Variants in ZNF638 observed in about 807,000 individuals in gnomAD.
ZNF638 encodes CTCL tumor antigen se33-1.
In ZNF638, 46 loss-of-function variants were observed where a neutral mutation model predicts 195.6. The ratio of observed to expected loss-of-function variants is 0.24; its 90% CI spans 0.19 to 0.30. The LOEUF is 0.30. Among genes scored for constraint, ZNF638 ranks in the 10% least tolerant of loss-of-function variants. The pLI is 1.00. For missense variants in ZNF638, 2,440 were observed against 2,325.3 expected, an observed-to-expected ratio of 1.05 and a Z score of -1.01; for synonymous variants, 845 against 772.0, an observed-to-expected ratio of 1.09 and a Z score of -1.57.
chr2:71,430,100 T>G (rs1159966224), intron 25 of ZNF638, among the ~76,000 whole-genome samples: 1 of 152,204 alleles, frequency 6.6e-6, no homozygotes, highest in Non-Finnish European at 1.5e-5. Context: ...ACAATATATT[T>G]CTACTAATGA....
At chr2:71,417,882 G>A (rs1398061506) in intron 20 of ZNF638, among the ~76,000 whole-genome samples, 1 of 152,146 alleles carries the variant, frequency 6.6e-6, no homozygotes, top group Admixed American at 6.5e-5. Context: ...TTTCCTTAAA[G>A]TATTGTTTTC....
intron 10 of ZNF638, chr2:71,393,624 G>T: frequency 1.4e-6 from 1 of 718,056 alleles, no homozygotes; most frequent in Non-Finnish European, 2.6e-6. Context: ...CAGATAATTT[G>T]TTCCTTGCTC....
chr2:71,359,788 C>T (rs541489290), intron 3 of ZNF638, among the ~76,000 whole-genome samples: 1 of 152,196 alleles, frequency 6.6e-6, no homozygotes, highest in Non-Finnish European at 1.5e-5. Context: ...TCTTTCTACT[C>T]ATTCCTCCAT....
chr2:71,395,660 A>G (rs1022970480), intron 10 of ZNF638: 1 of 514,550 alleles, frequency 1.9e-6, no homozygotes, highest in Non-Finnish European at 3.7e-6. Flanking sequence ...TTAAATCTGT[A>G]CTGAATAAAT....
intron 1 of ZNF638, among the ~76,000 whole-genome samples, chr2:71,336,119 C>A (rs572402796): frequency 6.6e-6 from 1 of 152,218 alleles, no homozygotes; most frequent in South Asian, 2.1e-4. Context: ...CGCCTGTAAT[C>A]CCAGCACTTT....
Position 71,406,079 on chromosome 2 carries a change from T to G in ZNF638, c.3001-49T>G, listed in dbSNP as rs772168345. 10 of 1,605,052 alleles carry G rather than the reference T, an allele frequency of 6.2e-6. No individual in the cohort carries two copies. The East Asian group carries it at 6.7e-5, about 11-fold the overall frequency. On this transcript the variant is annotated intron_variant, in intron 18 of 27. Transcript: ENST00000264447. The stretch of plus-strand genomic sequence containing the variant: ...GTTAATGTTAATCTGTTTTACCGTT[T>G]GTTGCTTCAGCTGTGGTTTTTTCTG...
At chr2:71,433,085 T>A in intron 26 of ZNF638, 80 bp from the exon 27 acceptor site, 1 of 1,163,590 alleles carries the variant, frequency 8.6e-7, no homozygotes, top group South Asian at 1.3e-5. Flanking sequence ...AGACTCCGTC[T>A]CAAATAAATG....
At chr2:71,393,245 C>CTATCATTTA in intron 10 of ZNF638, 2 of 586,662 alleles carry the variant, frequency 3.4e-6, no homozygotes, top group South Asian at 4.4e-5. Context: ...TGATAAATTT[C>CTATCATTTA]AATCAACTAT....
Position 71,399,662 on chromosome 2 carries a change from G to A in ZNF638, c.2587+17G>A, listed in dbSNP as rs139666816. The A allele has an allele frequency of 3.7e-4, 587 of 1,582,474 alleles. 5 individuals carry two copies. In the African/African-American group the frequency reaches 7.1e-3, roughly 19 times the overall value. On this transcript the variant is annotated intron_variant, in intron 13 of 27. Coordinates refer to ENST00000264447, the MANE Select transcript of ZNF638 (RefSeq NM_014497.5). ...CTATACCAGGTAAGCTTGAAATGTGGTCATTCAGTGCTTTGTTTTCTTTTC... is the reference window on the plus strand; with the variant it reads ...CTATACCAGGTAAGCTTGAAATGTGATCATTCAGTGCTTTGTTTTCTTTTC...
chr2:71,388,230 G>A (rs2079685017), intron 10 of ZNF638, among the ~76,000 whole-genome samples: 1 of 152,206 alleles, frequency 6.6e-6, no homozygotes, highest in South Asian at 2.1e-4. Context: ...TTACCCTGAG[G>A]CTAAGGGCAA....
At chr2:71,418,718 C>A in intron 21 of ZNF638, 79 bp downstream of exon 21, 2 of 1,011,828 alleles carry the variant, frequency 2.0e-6, no homozygotes, top group South Asian at 2.0e-5. Flanking sequence ...ATAGTAATGG[C>A]TCACATGTAG....
At chr2:71,404,060 CTGT>C (rs752667485) in intron 17 of ZNF638, 62 bp downstream of exon 17, 206 of 1,513,436 alleles carry the variant, frequency 1.4e-4, no homozygotes, top group Non-Finnish European at 1.4e-4. Context: ...TTGTTACAGT[CTGT>C]TATGTTTTCT....
chr2:71,387,942 T>G (rs2079677224), intron 10 of ZNF638, among the ~76,000 whole-genome samples: 1 of 152,038 alleles, frequency 6.6e-6, no homozygotes, highest in Non-Finnish European at 1.5e-5. Context: ...AATTGGAAAA[T>G]AGTATGATTA....
chr2:71,368,152 T>A (rs72911422), intron 6 of ZNF638, among the ~76,000 whole-genome samples: 1 of 152,112 alleles, frequency 6.6e-6, no homozygotes, highest in African/African-American at 2.4e-5. Context: ...TTAAAAAATA[T>A]AAATAACATT....
intron 4 of ZNF638, 81 bp from the exon 5 acceptor site, chr2:71,363,873 A>G: frequency 1.4e-6 from 2 of 1,476,534 alleles, no homozygotes; most frequent in Non-Finnish European, 1.8e-6. Context: ...TCTGTTTTTA[A>G]CAAGGTACTT....
In ZNF638 at chr2:71,423,693, C is replaced by G; in HGVS notation, c.4179C>G (p.Ser1393Arg). 3 of 1,613,848 alleles carry G rather than the reference C, an allele frequency of 1.9e-6. No individual in the cohort carries two copies. Among genetic ancestry groups the G allele is most frequent in the Non-Finnish European group, 2.5e-6 (3 of 1,180,000 alleles). Reference sequence around the variant, plus strand: ...CAGATGTATCTAGCAGTAAACCAAGCATCAAGGCTGTTATAGTCTCTTCTC... The same window carrying G: ...CAGATGTATCTAGCAGTAAACCAAGGATCAAGGCTGTTATAGTCTCTTCTC... ...AVSDVSSSKP[S>R]IKAVIVSSPK... The change falls in exon 22 of 28, where the codon AGC (serine) becomes AGG (arginine). Residue 1393 changes from serine to arginine, a missense_variant. By Grantham distance (110) the Ser-to-Arg change is moderately radical. Transcript: ENST00000264447.
chr2:71,394,212 T>TA (rs2079846995), intron 10 of ZNF638, among the ~76,000 whole-genome samples: 1 of 152,130 alleles, frequency 6.6e-6, no homozygotes, highest in Non-Finnish European at 1.5e-5. Context: ...GTGTCAATCT[T>TA]AGTTTCATAG....
At chr2:71,433,337 A>G in intron 27 of ZNF638, 54 bp downstream of exon 27, 1 of 1,274,742 alleles carries the variant, frequency 7.8e-7, no homozygotes, top group Non-Finnish European at 1.1e-6. Flanking sequence ...TCTTAGAATC[A>G]AATTATTTAT....
intron 6 of ZNF638, among the ~76,000 whole-genome samples, 178 bp from the exon 7 acceptor site, chr2:71,368,204 A>G (rs1036372016): frequency 2.0e-5 from 3 of 152,238 alleles, no homozygotes; most frequent in African/African-American, 4.8e-5. Context: ...AAGTGTTAAA[A>G]TCGTGATTTA....
Sources: gnomAD v4.1 joint callset for allele counts (sites outside exome capture counted in the v4.1 genomes callset) on GRCh38, gnomAD v4.1.1 for gene constraint, MANE v1.5 for transcripts, NCBI Gene and HGNC (gene_info 2026-07-23, HGNC 2026-07-21) for gene names.